Variants in CLYBL observed in about 807,000 individuals in gnomAD.
The protein encoded by CLYBL is citramalyl-CoA lyase.
In CLYBL, 31 loss-of-function variants were observed where a neutral mutation model predicts 38.9. That is an observed-to-expected ratio of 0.80 (90% CI 0.60 to 1.08). The LOEUF is 1.08. Among genes scored for constraint, CLYBL ranks in the 50% least tolerant of loss-of-function variants. The probability of loss-of-function intolerance (pLI) is 0.00; values close to 1 mark genes in which losing one functional copy is unlikely to be tolerated. For synonymous variants in CLYBL, 171 were observed against 158.6 expected, an observed-to-expected ratio of 1.08 and a Z score of -0.59; for missense variants, 434 against 411.6, an observed-to-expected ratio of 1.05 and a Z score of -0.47.
At chr13:99,899,837 A>G (rs1032205951), downstream of CLYBL, among the ~76,000 whole-genome samples, 7 of 152,226 alleles carry the variant, frequency 4.6e-5, no homozygotes, top group South Asian at 2.1e-4. Context: ...AAACCTGCGC[A>G]CAGTAGAGTT....
rs1566340252 is a variant in CLYBL, at chr13:99,819,458, ATATATAT to A, written c.250-39402_250-39396del. Among the ~76,000 whole-genome samples the A allele has an allele frequency of 1.5e-3, 62 of 41,232 alleles. 2 individuals are homozygous for A. Among genetic ancestry groups the A allele is most frequent in the East Asian group, 8.3e-3 (10 of 1,200 alleles). The allele number at this position is 41,232 out of a possible 152,430, so 27.0% of individuals were successfully genotyped here. A position where few individuals can be genotyped will look rare whatever the true frequency, so the allele number is the denominator to read the frequency against. On this transcript the variant is annotated intron_variant, in intron 2 of 8. Coordinates refer to ENST00000339105, the MANE Select transcript of CLYBL (RefSeq NM_206808.5). Reference sequence around the variant, plus strand: ...TATATATATATATATATATATATATATATATATATAATATTTGTCAGGGTTGTCTGGG... The same window carrying A: ...TATATATATATATATATATATATATAATAATATTTGTCAGGGTTGTCTGGG...
intron 1 of CLYBL, among the ~76,000 whole-genome samples, chr13:99,625,957 G>A (rs1256533666): frequency 6.6e-6 from 1 of 152,212 alleles, no homozygotes; most frequent in Admixed American, 6.5e-5. Context: ...TGCTTTCTAA[G>A]AAGGGTGCGG....
At chr13:99,861,120 A>G (rs1280234141) in intron 3 of CLYBL, among the ~76,000 whole-genome samples, 3 of 152,070 alleles carry the variant, frequency 2.0e-5, no homozygotes, top group Admixed American at 2.0e-4. Context: ...GCTGAAATGA[A>G]CACTTTACCA....
intron 2 of CLYBL, among the ~76,000 whole-genome samples, chr13:99,797,134 G>A (rs2050037395): frequency 6.6e-6 from 1 of 152,104 alleles, no homozygotes; most frequent in Non-Finnish European, 1.5e-5. Flanking sequence ...TATTTGTCAT[G>A]CCCCACTTTG....
chr13:99,764,527 G>A (rs989726644), intron 1 of CLYBL, among the ~76,000 whole-genome samples: 2 of 152,114 alleles, frequency 1.3e-5, no homozygotes, highest in African/African-American at 2.4e-5. Flanking sequence ...TTGTTGGCAT[G>A]TAGTTGTTCA....
At chr13:99,837,963 T>TC (rs2139107400) in intron 2 of CLYBL, among the ~76,000 whole-genome samples, 1 of 152,352 alleles carries the variant, frequency 6.6e-6, no homozygotes, top group Non-Finnish European at 1.5e-5. Flanking sequence ...TTTTACATGA[T>TC]ATCTCTGGTT....
intron 1 of CLYBL, among the ~76,000 whole-genome samples, chr13:99,645,518 T>C (rs1214684850): frequency 8.0e-6 from 1 of 124,458 alleles, no homozygotes; most frequent in South Asian, 2.9e-4. Context: ...AAAAAAAAAG[T>C]CATTTTAATG....
At chr13:99,784,507 T>C (rs963476481) in intron 2 of CLYBL, among the ~76,000 whole-genome samples, 1 of 143,996 alleles carries the variant, frequency 6.9e-6, no homozygotes, top group Admixed American at 7.2e-5. Context: ...CAGTCTGGAG[T>C]GCAGTGGCTC....
intron 2 of CLYBL, among the ~76,000 whole-genome samples, chr13:99,844,731 C>A (rs1011766857): frequency 7.9e-5 from 12 of 152,210 alleles, no homozygotes; most frequent in Admixed American, 7.9e-4. Context: ...CGAAAACAGG[C>A]TGTTCTCATC....
chr13:99,871,695 T>G (rs1439606258), intron 7 of CLYBL, among the ~76,000 whole-genome samples: 1 of 152,236 alleles, frequency 6.6e-6, no homozygotes, highest in African/African-American at 2.4e-5. Flanking sequence ...ATGCACAATC[T>G]GTCTCCACTT....
chr13:99,696,527 T>C (rs2047981957), intron 1 of CLYBL, among the ~76,000 whole-genome samples: 1 of 151,994 alleles, frequency 6.6e-6, no homozygotes, highest in African/African-American at 2.4e-5. Context: ...GTAACAAAGA[T>C]TGTTAGTAAA....
chr13:99,857,836 C>T (rs1239264402), intron 2 of CLYBL, among the ~76,000 whole-genome samples: 2 of 152,160 alleles, frequency 1.3e-5, no homozygotes, highest in East Asian at 1.9e-4. Flanking sequence ...AAACTACATT[C>T]ATCAGCAGTG....
chr13:99,854,486 C>G (rs2051408666), intron 2 of CLYBL, among the ~76,000 whole-genome samples: 1 of 151,674 alleles, frequency 6.6e-6, no homozygotes, highest in African/African-American at 2.4e-5. Flanking sequence ...AATGAACTGA[C>G]TGCTGAGCTG....
intron 1 of CLYBL, among the ~76,000 whole-genome samples, chr13:99,717,071 G>A (rs189954157): frequency 0.014 from 2,056 of 152,020 alleles, 23 homozygotes; most frequent in South Asian, 0.032. Flanking sequence ...GATTACAGGC[G>A]TGAGCCACCA....
chr13:99,651,484 C>T (rs796521534), intron 1 of CLYBL, among the ~76,000 whole-genome samples: 12 of 151,340 alleles, frequency 7.9e-5, no homozygotes, highest in African/African-American at 2.7e-4. Flanking sequence ...GTGGGAGAAT[C>T]GCTTGAACCC....
downstream of CLYBL, chr13:99,895,573 C>G (rs1566371324): frequency 6.6e-6 from 1 of 152,204 alleles, no homozygotes; most frequent in Non-Finnish European, 1.5e-5. Flanking sequence ...TGAGCGCGGT[C>G]CCCACGGAGG....
intron 7 of CLYBL, among the ~76,000 whole-genome samples, chr13:99,885,858 G>C (rs2052336851): frequency 6.6e-6 from 1 of 152,148 alleles, no homozygotes; most frequent in Admixed American, 6.5e-5. Context: ...TCAGGGCGCT[G>C]TTGACCTCGT....
intron 1 of CLYBL, among the ~76,000 whole-genome samples, chr13:99,771,531 C>T (rs748356329): frequency 1.3e-5 from 2 of 152,146 alleles, no homozygotes; most frequent in African/African-American, 4.8e-5. Context: ...CACCGGGCCC[C>T]GCAAATTGTA....
intron 1 of CLYBL, among the ~76,000 whole-genome samples, chr13:99,763,704 G>A (rs996639576): frequency 7.2e-5 from 11 of 151,946 alleles, no homozygotes; most frequent in Admixed American, 1.3e-4. Context: ...ACAGGCAGAT[G>A]CCACCACGCC....
Sources: gnomAD v4.1 joint callset for allele counts (sites outside exome capture counted in the v4.1 genomes callset) on GRCh38, gnomAD v4.1.1 for gene constraint, MANE v1.5 for transcripts, NCBI Gene and HGNC (gene_info 2026-07-23, HGNC 2026-07-21) for gene names.